Variants in C12orf42 observed in about 807,000 individuals in gnomAD.
C12orf42 encodes the protein uncharacterized protein C12orf42.
C12orf42 carries 25 observed loss-of-function variants against 21.6 expected under a neutral mutation model. That is an observed-to-expected ratio of 1.16 (90% CI 0.84 to 1.62). The LOEUF (loss-of-function observed/expected upper bound fraction) is 1.62. C12orf42 is among the 40% of genes most tolerant of loss of function. The probability of loss-of-function intolerance (pLI) is 0.00; values close to 1 mark genes in which losing one functional copy is unlikely to be tolerated. For synonymous variants in C12orf42, 174 were observed against 175.0 expected, an observed-to-expected ratio of 0.99 and a Z score of 0.05; for missense variants, 483 against 459.3, an observed-to-expected ratio of 1.05 and a Z score of -0.47.
the C12orf42 span, among the ~76,000 whole-genome samples, chr12:103,151,149 G>A: frequency 1.3e-5 from 2 of 152,148 alleles, no homozygotes; most frequent in South Asian, 2.1e-4. Context: ...GGCTGGTCTC[G>A]AACTCCTGAC....
chr12:103,268,962 C>T (rs2035307350), exon 7 of C12orf42: 1 of 152,102 alleles, frequency 6.6e-6, no homozygotes, highest in African/African-American at 2.4e-5. Flanking sequence ...AAGCAGGAAA[C>T]CTGCCAAGAA....
At chr12:103,430,656 A>T (rs1349722316) in intron 2 of C12orf42, among the ~76,000 whole-genome samples, 1 of 152,232 alleles carries the variant, frequency 6.6e-6, no homozygotes, top group Non-Finnish European at 1.5e-5. Context: ...ATAAAGACAC[A>T]TGCACACATA....
the C12orf42 span, among the ~76,000 whole-genome samples, chr12:103,513,718 G>C: frequency 4.6e-5 from 7 of 152,162 alleles, no homozygotes; most frequent in Admixed American, 4.6e-4. Flanking sequence ...AACAGAAAAA[G>C]CATTCAATCC....
chr12:103,123,618 C>T, the C12orf42 span, among the ~76,000 whole-genome samples: 1 of 152,194 alleles, frequency 6.6e-6, no homozygotes, highest in South Asian at 2.1e-4. Flanking sequence ...CCATTAGCCA[C>T]CTGTGGCTAT....
At chr12:103,456,021 A>G (rs2137570350) in intron 2 of C12orf42, among the ~76,000 whole-genome samples, 1 of 152,242 alleles carries the variant, frequency 6.6e-6, no homozygotes, top group African/African-American at 2.4e-5. Context: ...GCAGGGAACA[A>G]TAGAAGCACA....
At chr12:103,085,666 T>A in the C12orf42 span, among the ~76,000 whole-genome samples, 1 of 152,068 alleles carries the variant, frequency 6.6e-6, no homozygotes, top group Non-Finnish European at 1.5e-5. Flanking sequence ...TCAATGGTAA[T>A]CTAACCGTGC....
intron 4 of C12orf42, among the ~76,000 whole-genome samples, chr12:103,316,590 A>T (rs1367187056): frequency 1.3e-5 from 2 of 152,182 alleles, no homozygotes; most frequent in East Asian, 3.8e-4. Flanking sequence ...TGCTCCTAAA[A>T]GAGCTTACTG....
chr12:103,524,803 C>T, the C12orf42 span, among the ~76,000 whole-genome samples: 13 of 152,198 alleles, frequency 8.5e-5, no homozygotes, highest in Non-Finnish European at 1.8e-4. Flanking sequence ...CCAGGAAGCA[C>T]TTTCAGGCAT....
the C12orf42 span, among the ~76,000 whole-genome samples, chr12:103,160,203 C>A: frequency 6.6e-6 from 1 of 152,132 alleles, no homozygotes; most frequent in East Asian, 1.9e-4. Flanking sequence ...GTCCTAACAT[C>A]AAAAATTCCA....
chr12:103,048,489 A>T, the C12orf42 span, among the ~76,000 whole-genome samples: 3 of 152,078 alleles, frequency 2.0e-5, no homozygotes, highest in Non-Finnish European at 4.4e-5. Context: ...GGAACGTCTG[A>T]CCAAGAGTCA....
the C12orf42 span, chr12:103,505,652 C>G: frequency 4.2e-6 from 1 of 239,432 alleles, no homozygotes; most frequent in African/African-American, 2.4e-5. Flanking sequence ...TGCCCAGGCC[C>G]CTGGGGGGCA....
chr12:103,416,034 G>GGT (rs1555291193), intron 2 of C12orf42, among the ~76,000 whole-genome samples: 2 of 146,942 alleles, frequency 1.4e-5, no homozygotes, highest in Non-Finnish European at 3.0e-5. Flanking sequence ...TGTTTAGTGG[G>GGT]TTTTTTTTTT....
chr12:103,513,779 C>A, the C12orf42 span, among the ~76,000 whole-genome samples: 3 of 152,068 alleles, frequency 2.0e-5, no homozygotes, highest in South Asian at 6.2e-4. Flanking sequence ...AATGAATGTG[C>A]CAGGCACTAG....
At chr12:103,174,608 G>A in the C12orf42 span, among the ~76,000 whole-genome samples, 90 of 147,264 alleles carry the variant, frequency 6.1e-4, no homozygotes, top group Non-Finnish European at 1.2e-3. Flanking sequence ...GCCAACCAAC[G>A]TTCCCTCTGA....
At chr12:103,238,826 C>G (rs1232547113) in intron 10 of C12orf42, among the ~76,000 whole-genome samples, 2 of 152,186 alleles carry the variant, frequency 1.3e-5, no homozygotes, top group Non-Finnish European at 2.9e-5. Context: ...GACCAGGGAA[C>G]AGCCAGCGAC....
At chr12:103,424,795 T>C (rs1216287564) in intron 2 of C12orf42, among the ~76,000 whole-genome samples, 1 of 152,068 alleles carries the variant, frequency 6.6e-6, no homozygotes, top group Admixed American at 6.5e-5. Flanking sequence ...TTTTGTTTTG[T>C]TTTTCATTCC....
the C12orf42 span, among the ~76,000 whole-genome samples, chr12:103,185,462 C>G: frequency 6.6e-6 from 1 of 152,122 alleles, no homozygotes; most frequent in African/African-American, 2.4e-5. Flanking sequence ...CAGACCCTTC[C>G]TTCTTTTTCC....
At chr12:103,447,821 C>T (rs2137420076) in intron 2 of C12orf42, among the ~76,000 whole-genome samples, 1 of 152,128 alleles carries the variant, frequency 6.6e-6, no homozygotes, top group East Asian at 1.9e-4. Context: ...GAGCACATCC[C>T]ATGCTCATGG....
the C12orf42 span, among the ~76,000 whole-genome samples, chr12:103,521,952 G>A: frequency 6.6e-6 from 1 of 152,272 alleles, no homozygotes; most frequent in South Asian, 2.1e-4. Flanking sequence ...GACATTAATG[G>A]ATAACCAGAC....
Sources: allele counts gnomAD v4.1 joint callset (sites outside exome capture counted in the v4.1 genomes callset), GRCh38; gene constraint gnomAD v4.1.1; transcripts MANE v1.5; gene names NCBI Gene and HGNC (gene_info 2026-07-23, HGNC 2026-07-21).